The following HPGDS variants were observed in gnomAD, a reference collection of about 807,000 sequenced individuals.
HPGDS encodes GST class-sigma.
A neutral mutation model predicts 23.1 loss-of-function variants in HPGDS; 26 were observed. The observed-to-expected ratio is 1.13, with a 90% CI of 0.83 to 1.56. The LOEUF (loss-of-function observed/expected upper bound fraction) is 1.56, where lower values mean the gene tolerates loss of function less well. HPGDS is among the 40% of genes most tolerant of loss of function. The pLI is 0.00. For synonymous variants in HPGDS, 95 were observed against 77.9 expected (o/e 1.22, Z -1.16); for missense variants, 268 against 236.4 (o/e 1.13, Z -0.88).
intron 3 of HPGDS, among the ~76,000 whole-genome samples, chr4:94,310,991 C>A (rs1038672837): frequency 1.3e-5 from 2 of 152,090 alleles, no homozygotes; most frequent in African/African-American, 4.8e-5. Flanking sequence ...GATTTTGTAT[C>A]CTGAGACTTT....
chr4:94,311,861 C>T (rs892081965), intron 3 of HPGDS, among the ~76,000 whole-genome samples: 1 of 150,772 alleles, frequency 6.6e-6, no homozygotes, highest in African/African-American at 2.5e-5. Flanking sequence ...CCTGGTTTAG[C>T]CTTGGGAGGG....
chr4:94,307,047 A>T (rs945585310), intron 4 of HPGDS, among the ~76,000 whole-genome samples: 3 of 152,118 alleles, frequency 2.0e-5, no homozygotes, highest in African/African-American at 4.8e-5. Flanking sequence ...AGTGGAAAAA[A>T]AATAGGTCAC....
chr4:94,302,391 A>G lies in HPGDS; in HGVS notation c.337-147T>C, dbSNP rs1009914331. The G allele has an allele frequency of 2.0e-5, 12 of 589,170 alleles. No individual in the cohort carries two copies. The Admixed American group carries it at 2.1e-4, about 11-fold the overall frequency. 36.5% of individuals were successfully genotyped at this position (589,170 alleles called of 1,614,324 possible). On this transcript the variant is annotated intron_variant, in intron 4 of 5. Coordinates refer to ENST00000295256, the MANE Select transcript of HPGDS (RefSeq NM_014485.3). ...TAGATTTTTTATTCAAATTTATGACATGGAGATTTAGGTCTGATTCTCTAT... is the reference window on the plus strand; with the variant it reads ...TAGATTTTTTATTCAAATTTATGACGTGGAGATTTAGGTCTGATTCTCTAT...
chr4:94,311,462 C>A (rs912232620), intron 3 of HPGDS, among the ~76,000 whole-genome samples: 1 of 151,252 alleles, frequency 6.6e-6, no homozygotes, highest in African/African-American at 2.5e-5. Flanking sequence ...ATATGTTGAA[C>A]CAGCCTTGCA....
At chr4:94,328,558 G>A (rs1252799357) in intron 2 of HPGDS, among the ~76,000 whole-genome samples, 1 of 152,102 alleles carries the variant, frequency 6.6e-6, no homozygotes, top group Non-Finnish European at 1.5e-5. Context: ...ACTGATAAAT[G>A]AAAATAATTC....
intron 3 of HPGDS, among the ~76,000 whole-genome samples, chr4:94,309,390 G>T (rs577694367): frequency 7.9e-4 from 118 of 150,158 alleles, no homozygotes; most frequent in African/African-American, 2.7e-3. Context: ...TTTGGTTTTT[G>T]GTCCTTGAGA....
chr4:94,305,529 A>G (rs757517865), intron 4 of HPGDS, among the ~76,000 whole-genome samples: 2 of 152,168 alleles, frequency 1.3e-5, no homozygotes, highest in East Asian at 3.8e-4. Flanking sequence ...ATATGTGCTT[A>G]AGTAAATTGA....
intron 1 of HPGDS, among the ~76,000 whole-genome samples, chr4:94,340,773 C>T (rs1432589478): frequency 2.0e-5 from 3 of 148,746 alleles, no homozygotes; most frequent in African/African-American, 7.4e-5. Flanking sequence ...ATTCTCCTGC[C>T]GCAGCCACCA....
intron 4 of HPGDS, among the ~76,000 whole-genome samples, chr4:94,302,980 A>G (rs1265152812): frequency 6.6e-6 from 1 of 152,144 alleles, no homozygotes; most frequent in Admixed American, 6.6e-5. Flanking sequence ...GTTTGTTTAT[A>G]TATAAGAATT....
intron 4 of HPGDS, among the ~76,000 whole-genome samples, chr4:94,306,803 G>C (rs943074985): frequency 6.6e-6 from 1 of 151,946 alleles, no homozygotes; most frequent in Non-Finnish European, 1.5e-5. Context: ...AATAGGAAAA[G>C]AGCCAACCAA....
rs893714266 is a variant in HPGDS at position 94,308,727 on chromosome 4, T to G, written c.243A>C (p.Thr81=). ...LTKNTDLAGN[T]EMEQCHVDAI... ...CATCAACATGACATTGTTCCATTTC[T>G]GTGTTTCCAGCCAAATCTGTGGAAT... is the stretch of plus-strand genomic sequence containing the variant. The change falls in exon 4 of 6, where the codon ACA becomes ACC. Residue 81 remains threonine (T), a synonymous_variant. Transcript: ENST00000295256. 6.3e-7 allele frequency: 1 copy of G among 1,597,344 alleles called. No individual in the cohort carries two copies. The highest frequency in any genetic ancestry group is 8.6e-7 in the Non-Finnish European group (1 of 1,166,808).
intron 4 of HPGDS, 54 bp from the exon 5 acceptor site, chr4:94,302,298 A>C: frequency 8.3e-7 from 1 of 1,211,980 alleles, no homozygotes; most frequent in Non-Finnish European, 1.2e-6. Flanking sequence ...AAGTAACATG[A>C]TCTGAGGAGG....
chr4:94,330,541 C>T (rs998917592), intron 2 of HPGDS, among the ~76,000 whole-genome samples: 2 of 151,954 alleles, frequency 1.3e-5, no homozygotes, highest in African/African-American at 4.8e-5. Context: ...AGTACAAGAC[C>T]AATCTATGAA....
chr4:94,331,151 T>C (rs936500000), intron 2 of HPGDS, among the ~76,000 whole-genome samples: 15 of 152,216 alleles, frequency 9.9e-5, no homozygotes, highest in African/African-American at 3.4e-4. Flanking sequence ...TATAGGTGCA[T>C]ATTCCTAAGT....
chr4:94,314,788 C>A (rs562916125), intron 3 of HPGDS, among the ~76,000 whole-genome samples: 3 of 152,200 alleles, frequency 2.0e-5, no homozygotes, highest in Non-Finnish European at 4.4e-5. Context: ...GGGCTCCACC[C>A]CTTTCGAGCT....
In HPGDS at chr4:94,334,538, T is replaced by G. The variant is rs1385021832; in HGVS notation, c.92A>C (p.Asp31Ala). Residue 31 changes from aspartate (D) to alanine (A), a missense_variant, in exon 2 of 6, where the codon GAC (aspartate) becomes GCC (alanine). Asp to Ala is a moderately radical substitution (Grantham distance 126, BLOSUM62 -2). Transcript: ENST00000295256. ...CCAGTCAGCTTGTTCTATTCTGTGG[T>G]CTTCATACTGTATGTCCAAATAAGC... ...IFAYLDIQYEDHRIEQADWPE... is the reference protein window; with the variant it reads ...IFAYLDIQYEAHRIEQADWPE... 5 of 1,613,016 alleles carry G rather than the reference T, an allele frequency of 3.1e-6. No individual in the cohort carries two copies. The Admixed American group carries it at 5.0e-5, about 16-fold the overall frequency.
At chr4:94,318,056 T>C in intron 2 of HPGDS, 91 bp from the exon 3 acceptor site, 2 of 710,874 alleles carry the variant, frequency 2.8e-6, no homozygotes, top group South Asian at 3.6e-5. Context: ...AAACAAAGCA[T>C]GATTTTATGG....
At chr4:94,332,073 A>G (rs1380561449) in intron 2 of HPGDS, among the ~76,000 whole-genome samples, 2 of 152,038 alleles carry the variant, frequency 1.3e-5, no homozygotes, top group Non-Finnish European at 2.9e-5. Context: ...GCCTATAAAT[A>G]CTTCAGACTC....
chr4:94,315,427 G>GT (rs890935874), intron 3 of HPGDS, among the ~76,000 whole-genome samples: 1 of 152,120 alleles, frequency 6.6e-6, no homozygotes, highest in Non-Finnish European at 1.5e-5. Flanking sequence ...TTTGCAGACA[G>GT]TTTTTGTCAG....
Sources: allele counts gnomAD v4.1 joint callset (sites outside exome capture counted in the v4.1 genomes callset), GRCh38; gene constraint gnomAD v4.1.1; transcripts MANE v1.5; gene names NCBI Gene and HGNC (gene_info 2026-07-23, HGNC 2026-07-21).